The following ZNF449 variants were observed in gnomAD, a reference collection of about 807,000 sequenced individuals.
ZNF449 encodes the protein zinc finger and SCAN domain-containing protein 19.
ZNF449 carries 4 observed loss-of-function variants against 32.6 expected under a neutral mutation model. The observed-to-expected ratio is 0.12, with a 90% CI of 0.06 to 0.28. The LOEUF (loss-of-function observed/expected upper bound fraction) is 0.28. Among genes scored for constraint, ZNF449 ranks in the 10% least tolerant of loss-of-function variants. The pLI is 1.00. For synonymous variants in ZNF449, 123 were observed against 132.2 expected (o/e 0.93, Z 0.48); for missense variants, 275 against 383.2 (o/e 0.72, Z 2.36).
intron 1 of ZNF449, among the ~76,000 whole-genome samples, chrX:135,346,812 G>GA (rs1242359409): frequency 9.8e-5 from 11 of 112,313 alleles, no homozygotes; most frequent in Non-Finnish European, 2.1e-4. Flanking sequence ...ACTAGATGCA[G>GA]AAAAGGATGT....
intron 3 of ZNF449, among the ~76,000 whole-genome samples, 180 bp from the exon 4 acceptor site, chrX:135,359,712 C>A (rs1179466263): frequency 1.8e-5 from 2 of 111,818 alleles, no homozygotes; most frequent in African/African-American, 6.5e-5. Flanking sequence ...TGAACACCAC[C>A]TCATTTTCAT....
chrX:135,347,242 G>A lies in ZNF449; in HGVS notation c.124G>A (p.Ala42Thr). 8.2e-7 allele frequency: 1 copy of A among 1,212,425 alleles called. No homozygotes were observed. Among genetic ancestry groups the A allele is most frequent in the Non-Finnish European group, 1.1e-6 (1 of 895,702 alleles). Residue 42 changes from alanine (A) to threonine (T), a missense_variant, in exon 2 of 5, where the codon GCT (alanine) becomes ACT (threonine). Transcript: ENST00000339249. Reference protein sequence around the residue: ...RFRQFQYREAAGPHEAFNKLW... With the variant: ...RFRQFQYREATGPHEAFNKLW... ...CAGGCAGTTCCAGTACAGAGAAGCAGCTGGGCCTCATGAAGCATTTAACAA... is the reference window on the plus strand; with the variant it reads ...CAGGCAGTTCCAGTACAGAGAAGCAACTGGGCCTCATGAAGCATTTAACAA...
intron 2 of ZNF449, 29 bp from the exon 3 acceptor site, chrX:135,349,081 G>C: frequency 1.7e-6 from 2 of 1,204,378 alleles, no homozygotes; most frequent in Non-Finnish European, 2.3e-6. Context: ...GTCTAGACTT[G>C]AGAGTGATGG....
chrX:135,360,254 G>A lies in ZNF449; in HGVS notation c.735G>A (p.Met245Ile). The A allele has an allele frequency of 8.3e-7, 1 of 1,205,431 alleles. No homozygotes were observed. The highest frequency in any genetic ancestry group is 1.8e-5 in the South Asian group (1 of 55,441). The change falls in exon 5 of 5, where the codon ATG (methionine) becomes ATA (isoleucine). Residue 245 changes from methionine to isoleucine, a missense_variant. Around this residue, in one of 3 missense-constraint regions of ZNF449, gnomAD observed 165 missense variants for 175.0 expected, o/e 0.94. Coordinates refer to ENST00000339249, the MANE Select transcript of ZNF449 (RefSeq NM_152695.6). ...DTSKQKKMETMYPFIVTLEGN... is the reference protein window; with the variant it reads ...DTSKQKKMETIYPFIVTLEGN... ...CAAAACAGAAAAAAATGGAGACTATGTATCCATTTATTGTAACTTTAGAGG... is the reference window on the plus strand; with the variant it reads ...CAAAACAGAAAAAAATGGAGACTATATATCCATTTATTGTAACTTTAGAGG...
chrX:135,351,734 C>CTAGTAATATT (rs2084889113), intron 3 of ZNF449, among the ~76,000 whole-genome samples: 1 of 104,946 alleles, frequency 9.5e-6, no homozygotes, highest in African/African-American at 3.5e-5. Flanking sequence ...TAAAACTTAG[C>CTAGTAATATT]TAGTAATATT....
chrX:135,358,449 G>T (rs1283064420), intron 3 of ZNF449, among the ~76,000 whole-genome samples: 1 of 111,160 alleles, frequency 9.0e-6, no homozygotes, highest in Admixed American at 9.6e-5. Context: ...TGTTCCTGTG[G>T]ATTTGAATTA....
chrX:135,351,270 G>A (rs2084885018), intron 3 of ZNF449, among the ~76,000 whole-genome samples: 1 of 111,764 alleles, frequency 8.9e-6, no homozygotes, highest in South Asian at 3.7e-4. Flanking sequence ...TAGAGCAAGG[G>A]CATGTTGGTG....
intron 3 of ZNF449, among the ~76,000 whole-genome samples, chrX:135,350,411 C>T (rs1010697965): frequency 2.7e-5 from 3 of 111,530 alleles, no homozygotes; most frequent in African/African-American, 9.8e-5. Context: ...CATGTTCGCA[C>T]GTTCAAGAGA....
At chrX:135,358,976 G>A (rs192632224) in intron 3 of ZNF449, among the ~76,000 whole-genome samples, 2 of 111,344 alleles carry the variant, frequency 1.8e-5, no homozygotes, top group African/African-American at 6.5e-5. Flanking sequence ...ACTAAAACAA[G>A]GTATTTTAGC....
In ZNF449 at chrX:135,360,142, C is replaced by G. The variant is rs1220347831; in HGVS notation, c.674-51C>G. On this transcript the variant is annotated intron_variant, in intron 4 of 4. Transcript: ENST00000339249. ...ATAACTCTTCATTTTCCTTCACTTT[C>G]TTTTCTCCATGGAACACAATATCAT... is the stretch of plus-strand genomic sequence containing the variant. The G allele has an allele frequency of 2.6e-6, 3 of 1,136,375 alleles. No individual in the cohort carries two copies. The African/African-American group carries it at 5.5e-5, about 21-fold the overall frequency. The allele number at this position is 1,136,375 out of a possible 1,213,427, so 93.7% of individuals were successfully genotyped here. A position where few individuals can be genotyped will look rare whatever the true frequency, so the allele number is the denominator to read the frequency against.
chrX:135,351,538 A>G (rs146151018), intron 3 of ZNF449, among the ~76,000 whole-genome samples: 2 of 110,039 alleles, frequency 1.8e-5, no homozygotes, highest in African/African-American at 6.6e-5. Context: ...ATTTTTAAAT[A>G]AAAGTGACAA....
At chrX:135,350,524 C>T (rs782687926) in intron 3 of ZNF449, among the ~76,000 whole-genome samples, 7 of 111,792 alleles carry the variant, frequency 6.3e-5, no homozygotes, top group Non-Finnish European at 1.3e-4. Flanking sequence ...AGCTCAGTAC[C>T]CAGGATTAGG....
chrX:135,353,218 A>G, intron 3 of ZNF449, among the ~76,000 whole-genome samples: 1 of 110,784 alleles, frequency 9.0e-6, no homozygotes, highest in Non-Finnish European at 1.9e-5. Flanking sequence ...AGGATGACAC[A>G]ATGTCTTTGA....
At chrX:135,351,039 AG>A (rs1458544947) in intron 3 of ZNF449, among the ~76,000 whole-genome samples, 1 of 111,698 alleles carries the variant, frequency 9.0e-6, no homozygotes, top group Non-Finnish European at 1.9e-5. Context: ...AGAGAGAAGC[AG>A]GGTCCTGGGT....
chrX:135,355,457 A>G (rs1456306559), intron 3 of ZNF449, among the ~76,000 whole-genome samples: 1 of 110,930 alleles, frequency 9.0e-6, no homozygotes, highest in African/African-American at 3.3e-5. Flanking sequence ...CTTTGTTAAC[A>G]AAATAGTGAG....
rs2148507499 is a variant in ZNF449 at position 135,362,200 on chromosome X, G to C, written c.*1124G>C. On this transcript the variant is annotated 3_prime_UTR_variant, in exon 5 of 5. Coordinates refer to ENST00000339249, the MANE Select transcript of ZNF449 (RefSeq NM_152695.6). ...TATATGAATTTGTGTAACACACACA[G>C]AGACACACACACATACTACTTTAAG... 1 of 111,580 alleles carries C rather than the reference G, an allele frequency of 9.0e-6. No individual in the cohort carries two copies. Among genetic ancestry groups the C allele is most frequent in the South Asian group, 3.7e-4 (1 of 2,693 alleles). The allele number at this position is 111,580 out of a possible 1,213,427, so 9.2% of individuals were successfully genotyped here. A position where few individuals can be genotyped will look rare whatever the true frequency, so the allele number is the denominator to read the frequency against.
chrX:135,361,027 G>C lies in ZNF449; in HGVS notation c.1508G>C (p.Arg503Thr), dbSNP rs781902186. The change falls in exon 5 of 5, where the codon AGA becomes ACA. Residue 503 changes from arginine (R) to threonine (T), a missense_variant. Physicochemically the swap from Arg to Thr is moderately conservative, Grantham distance 71 (BLOSUM62 -1). Transcript: ENST00000339249. ...CATTGTTCTAAAAGCTTCAGACAGAGAGCCGGCCTTATTATGCACCAGGTC... is the reference window on the plus strand; with the variant it reads ...CATTGTTCTAAAAGCTTCAGACAGACAGCCGGCCTTATTATGCACCAGGTC... The part of the protein sequence containing the change: ...CTHCSKSFRQ[R>T]AGLIMHQVTH... The C allele has an allele frequency of 2.5e-6, 3 of 1,201,064 alleles. No individual in the cohort carries two copies. Among genetic ancestry groups the C allele is most frequent in the South Asian group, 1.8e-5 (1 of 54,491 alleles).
intron 3 of ZNF449, among the ~76,000 whole-genome samples, chrX:135,355,520 A>G (rs1263191370): frequency 2.7e-5 from 3 of 110,819 alleles, no homozygotes; most frequent in African/African-American, 9.8e-5. Context: ...TCTAAAATCT[A>G]TTGTTTTTTT....
At chrX:135,359,624 G>A (rs1556452802) in intron 3 of ZNF449, among the ~76,000 whole-genome samples, 1 of 111,644 alleles carries the variant, frequency 9.0e-6, no homozygotes, top group Non-Finnish European at 1.9e-5. Context: ...CAAAATAGAT[G>A]CTGAAATGAT....
Sources: allele counts gnomAD v4.1 joint callset (sites outside exome capture counted in the v4.1 genomes callset), GRCh38; gene constraint gnomAD v4.1.1; regional missense constraint gnomAD v4.1.1; transcripts MANE v1.5; gene names NCBI Gene and HGNC (gene_info 2026-07-23, HGNC 2026-07-21).